The following ENPP1 variants were observed in gnomAD, a reference collection of about 807,000 sequenced individuals.
The protein encoded by ENPP1 is ectonucleotide pyrophosphatase/phosphodiesterase 1.
In ENPP1, 73 loss-of-function variants were observed where a neutral mutation model predicts 122.8. The ratio of observed to expected loss-of-function variants is 0.59; its 90% CI spans 0.49 to 0.72. The LOEUF is 0.72. Among genes scored for constraint, ENPP1 ranks in the 30% least tolerant of loss-of-function variants. The pLI is 0.00. For missense variants in ENPP1, 978 were observed against 1,128.1 expected (o/e 0.87, Z 1.91); for synonymous variants, 367 against 391.6 (o/e 0.94, Z 0.74).
intron 1 of ENPP1, chr6:131,826,317 G>A: frequency 7.3e-7 from 1 of 1,376,088 alleles, no homozygotes; most frequent in Non-Finnish European, 1.0e-6. Context: ...CTGGAATGAA[G>A]GTCAAGTGGT....
At chr6:131,842,180 T>A (rs985447091) in intron 1 of ENPP1, among the ~76,000 whole-genome samples, 1 of 152,218 alleles carries the variant, frequency 6.6e-6, no homozygotes, top group Non-Finnish European at 1.5e-5. Context: ...TGTCTTGTGA[T>A]GTTATAGTTT....
chr6:131,827,989 G>A (rs1199257513), intron 1 of ENPP1: 7 of 720,356 alleles, frequency 9.7e-6, no homozygotes, highest in Non-Finnish European at 1.8e-5. Context: ...GCTGGTACCT[G>A]GGGTAGTGAA....
chr6:131,872,185 G>A, intron 14 of ENPP1, 84 bp downstream of exon 14: 1 of 918,874 alleles, frequency 1.1e-6, no homozygotes, highest in East Asian at 2.4e-5. Context: ...ATCTATTATT[G>A]GGATTGAAGG....
intron 24 of ENPP1, among the ~76,000 whole-genome samples, chr6:131,887,503 C>A (rs1056551862): frequency 6.7e-6 from 1 of 150,242 alleles, no homozygotes; most frequent in African/African-American, 2.5e-5. Flanking sequence ...CACCATTCTC[C>A]TGCCTCAGCC....
In ENPP1 at chr6:131,879,945, A is replaced by T; in HGVS notation, c.2011A>T (p.Ile671Phe). The change falls in exon 20 of 25, where the codon ATC (isoleucine) becomes TTC (phenylalanine). Residue 671 changes from isoleucine to phenylalanine, a missense_variant. Ile to Phe is a conservative substitution (Grantham distance 21). Transcript: ENST00000647893. ...TAGAGTTCTCCAGAAGGAAAACACC[A>T]TCTGTCTTCTTTCCCAGCACCAGTT... is the stretch of plus-strand genomic sequence containing the variant. Reference protein sequence around the residue: ...RPRVLQKENTICLLSQHQFMS... With the variant: ...RPRVLQKENTFCLLSQHQFMS... The T allele has an allele frequency of 1.2e-6, 2 of 1,613,046 alleles. No homozygotes were observed. Among genetic ancestry groups the T allele is most frequent in the East Asian group, 2.2e-5 (1 of 44,874 alleles).
chr6:131,816,407 A>T (rs1350399615), intron 1 of ENPP1, among the ~76,000 whole-genome samples: 1 of 152,228 alleles, frequency 6.6e-6, no homozygotes, highest in Non-Finnish European at 1.5e-5. Context: ...ACCTTTTAGC[A>T]AATGAGCTCA....
At chr6:131,863,095 G>A (rs888271552) in intron 9 of ENPP1, among the ~76,000 whole-genome samples, 3 of 152,154 alleles carry the variant, frequency 2.0e-5, no homozygotes, top group African/African-American at 7.2e-5. Context: ...ATAATTTGCT[G>A]TTACAATTTT....
At chr6:131,824,290 GA>G (rs150305746) in intron 1 of ENPP1, among the ~76,000 whole-genome samples, 2,669 of 152,172 alleles carry the variant, frequency 0.018, 100 homozygotes, top group African/African-American at 0.06. Flanking sequence ...AGGATTATGA[GA>G]AAAGGCAGCA....
chr6:131,880,154 C>T (rs1011429227), intron 20 of ENPP1, 120 bp downstream of exon 20: 1 of 1,026,212 alleles, frequency 9.7e-7, no homozygotes, highest in Non-Finnish European at 1.5e-6. Context: ...ATTAGAGGAA[C>T]ACTGAAGAGG....
intron 1 of ENPP1, chr6:131,827,648 C>G (rs1382021001): frequency 3.2e-6 from 2 of 617,962 alleles, no homozygotes; most frequent in African/African-American, 1.8e-5. Flanking sequence ...TTCAGATACA[C>G]ACTATAAATG....
At chr6:131,889,316 A>G (rs924979381) in intron 24 of ENPP1, among the ~76,000 whole-genome samples, 1 of 152,060 alleles carries the variant, frequency 6.6e-6, no homozygotes. Context: ...TGCTGCACAG[A>G]TCATCCCGTC....
chr6:131,885,578 A>G (rs1782367084), intron 23 of ENPP1, among the ~76,000 whole-genome samples: 1 of 152,140 alleles, frequency 6.6e-6, no homozygotes, highest in Non-Finnish European at 1.5e-5. Context: ...TTTTTTAAAA[A>G]AGAGAGGGAA....
chr6:131,877,866 A>AAAAAAAAAAAAAAAAT (rs1562183349), intron 18 of ENPP1: 1 of 53,022 alleles, frequency 1.9e-5, no homozygotes, highest in Non-Finnish European at 3.0e-5. Flanking sequence ...AAAAAAAAAA[A>AAAAAAAAAAAAAAAAT]ATATATATAT....
At chr6:131,819,572 AC>A (rs1781458232) in intron 1 of ENPP1, among the ~76,000 whole-genome samples, 1 of 152,238 alleles carries the variant, frequency 6.6e-6, no homozygotes, top group Admixed American at 6.5e-5. Flanking sequence ...AATAAACTAT[AC>A]AAAAAAGATA....
chr6:131,809,412 A>G (rs1252931718), intron 1 of ENPP1, among the ~76,000 whole-genome samples: 1 of 152,170 alleles, frequency 6.6e-6, no homozygotes, highest in Non-Finnish European at 1.5e-5. Context: ...GACTTAAGAG[A>G]TGGTGCCGTA....
intron 1 of ENPP1, among the ~76,000 whole-genome samples, chr6:131,833,053 C>T (rs576869878): frequency 6.6e-6 from 1 of 152,196 alleles, no homozygotes; most frequent in East Asian, 1.9e-4. Context: ...TCTTTGTGTG[C>T]TTATGTGATT....
At chr6:131,845,006 A>G (rs138150947) in intron 1 of ENPP1, among the ~76,000 whole-genome samples, 185 of 149,658 alleles carry the variant, frequency 1.2e-3, no homozygotes, top group Non-Finnish European at 2.0e-3. Context: ...ACTATTCTAG[A>G]TAAGTTTACA....
chr6:131,882,691 A>G (rs1276555724), intron 21 of ENPP1, among the ~76,000 whole-genome samples: 1 of 147,708 alleles, frequency 6.8e-6, no homozygotes, highest in Non-Finnish European at 1.5e-5. Flanking sequence ...TTGTTTATTT[A>G]TTGGTGAAAA....
In ENPP1 at chr6:131,808,226, C is replaced by A; in HGVS notation, c.191C>A (p.Ala64Glu). 6.6e-7 allele frequency: 1 copy of A among 1,514,808 alleles called. No homozygotes were observed. Among genetic ancestry groups the A allele is most frequent in the Non-Finnish European group, 8.8e-7 (1 of 1,131,400 alleles). The allele number at this position is 1,514,808 out of a possible 1,614,324, so 93.8% of individuals were successfully genotyped here. A position where few individuals can be genotyped will look rare whatever the true frequency, so the allele number is the denominator to read the frequency against. ...GGGGAGGAGCCGCTGGAGAAGGCGG[C>A]GCGCGCCCGCACTGCCAAGGACCCC... ...DVGEEPLEKA[A>E]RARTAKDPNT... The change falls in exon 1 of 25, where the codon GCG becomes GAG. Residue 64 changes from alanine (A) to glutamate (E), a missense_variant. Coordinates refer to ENST00000647893, the MANE Select transcript of ENPP1 (RefSeq NM_006208.3).
Sources: allele counts gnomAD v4.1 joint callset (sites outside exome capture counted in the v4.1 genomes callset), GRCh38; gene constraint gnomAD v4.1.1; transcripts MANE v1.5; gene names NCBI Gene and HGNC (gene_info 2026-07-23, HGNC 2026-07-21).